Variants in SCN4A observed in about 807,000 individuals in gnomAD.
The protein encoded by SCN4A is sodium voltage-gated channel alpha subunit 4.
Under a neutral mutation model 162.0 loss-of-function variants are expected in SCN4A, and 83 were observed. That is an observed-to-expected ratio of 0.51 (90% CI 0.43 to 0.61). SCN4A has a LOEUF of 0.61. Ranked by LOEUF, SCN4A falls within the 20% of genes least tolerant of loss-of-function variation. The pLI, the probability that SCN4A is intolerant of heterozygous loss-of-function variation, is 0.00. For missense variants in SCN4A, 2,196 were observed against 2,462.5 expected (o/e 0.89, Z 2.29); for synonymous variants, 944 against 985.1 (o/e 0.96, Z 0.78).
At position 63,964,582 on chromosome 17, in the gene SCN4A, C is replaced by T. The variant is rs796737034; in HGVS notation, c.1338G>A (p.Val446=). The T allele has an allele frequency of 6.2e-7, 1 of 1,613,928 alleles. No individual in the cohort carries two copies. The highest frequency in any genetic ancestry group is 1.3e-5 in the African/African-American group (1 of 75,066). The part of the protein sequence containing the change: ...FYLINLILAV[V]AMAYAEQNEA... The stretch of plus-strand genomic sequence containing the variant: ...CATTCTGCTCGGCATATGCCATGGC[C>T]ACCACGGCCAGGATCAGATTGATGA... Residue 446 remains valine (V), a synonymous_variant, in exon 9 of 24, where the codon GTG becomes GTA. Transcript: ENST00000435607.
chr17:63,959,854 G>T (rs1404237426), intron 11 of SCN4A, among the ~76,000 whole-genome samples: 2 of 152,272 alleles, frequency 1.3e-5, no homozygotes, highest in African/African-American at 4.8e-5. Context: ...GGCTCAGCTA[G>T]CTGGGCAGCT....
chr17:63,957,391 A>G lies in SCN4A; in HGVS notation c.2147T>C (p.Val716Ala). 1 of 1,614,088 alleles carries G rather than the reference A, an allele frequency of 6.2e-7. No homozygotes were observed. The highest frequency in any genetic ancestry group is 8.5e-7 in the Non-Finnish European group (1 of 1,179,952). The change falls in exon 13 of 24, where the codon GTG becomes GCG. Residue 716 changes from valine to alanine, a missense_variant. Transcript: ENST00000435607. ...CTTGCCAAACAGCTGCATGCCCACC[A>G]CGGCGAAGATGAACACGATGATAGC... Reference protein sequence around the residue: ...VLAIIVFIFAVVGMQLFGKSY... With the variant: ...VLAIIVFIFAAVGMQLFGKSY...
chr17:63,968,412 C>T, intron 5 of SCN4A, 57 bp from the exon 6 acceptor site: 4 of 1,407,818 alleles, frequency 2.8e-6, no homozygotes, highest in East Asian at 2.3e-5. Flanking sequence ...GATAACAGAG[C>T]CCCCGCGGCC....
chr17:63,971,751 G>C lies in SCN4A; in HGVS notation c.582C>G (p.Asn194Lys). ...DDFTFLRDPW[N>K]WLDFSVIMMA... ...TCATGATGACACTGAAGTCCAGCCA[G>C]TTCCAGGGGTCCCGGAGGAATGTGA... is the stretch of plus-strand genomic sequence containing the variant. Residue 194 changes from asparagine to lysine, a missense_variant, in exon 4 of 24, where the codon AAC (asparagine) becomes AAG (lysine). Coordinates refer to ENST00000435607, the MANE Select transcript of SCN4A (RefSeq NM_000334.4). The C allele has an allele frequency of 6.2e-7, 1 of 1,608,586 alleles. No homozygotes were observed. The highest frequency in any genetic ancestry group is 8.5e-7 in the Non-Finnish European group (1 of 1,177,508).
In SCN4A at chr17:63,968,042, G is replaced by A. The variant is rs375655445; in HGVS notation, c.1017C>T (p.Asp339=). 5.1e-5 allele frequency: 83 copies of A among 1,613,790 alleles called. No homozygotes were observed. Among genetic ancestry groups the A allele is most frequent in the Admixed American group, 2.7e-4 (16 of 60,010 alleles). Reference sequence around the variant, plus strand: ...TCTTACCTTCATCACTGATGTAGGCGTCCCAATCAAAGGTATCGTTGGTGG... The same window carrying A: ...TCTTACCTTCATCACTGATGTAGGCATCCCAATCAAAGGTATCGTTGGTGG... ...SWATNDTFDW[D]AYISDEGNFY... The change falls in exon 6 of 24, where the codon GAC becomes GAT. Residue 339 remains aspartate, a synonymous_variant. Coordinates refer to ENST00000435607, the MANE Select transcript of SCN4A (RefSeq NM_000334.4).
Position 63,950,819 on chromosome 17 carries a change from G to T in SCN4A, c.2853+605C>A, listed in dbSNP as rs1362699848. 2.0e-5 allele frequency among the ~76,000 whole-genome samples: 3 copies of T among 152,224 alleles called. No homozygotes were observed. Among genetic ancestry groups the T allele is most frequent in the Non-Finnish European group, 4.4e-5 (3 of 68,036 alleles). ...CTCGACCTCGCAGTGGAGGGGTGGG[G>T]AGGGGCATCTGAGCCCAGCAGCACA... On this transcript the variant is annotated intron_variant, in intron 14 of 23. Coordinates refer to ENST00000435607, the MANE Select transcript of SCN4A (RefSeq NM_000334.4). The surrounding 1 kb of genome is among the most constrained non-coding windows in gnomAD (Gnocchi z 4.6).
rs756884948 is a variant in SCN4A at position 63,947,895 on chromosome 17, C to T, written c.3313G>A (p.Val1105Met). ...NAWCWLDFLI[V>M]DVSIISLVAN... is the part of the protein sequence containing the mutation. ...GCCAGCGTGGGGGGACTCACATCCA[C>T]GATGAGGAAGTCGAGCCAGCACCAG... is the stretch of plus-strand genomic sequence containing the variant. Residue 1105 changes from valine to methionine, a missense_variant, in exon 17 of 24, where the codon GTG becomes ATG. Transcript: ENST00000435607. 115 of 1,613,288 alleles carry T rather than the reference C, an allele frequency of 7.1e-5. No homozygotes were observed. The highest frequency in any genetic ancestry group is 8.6e-5 in the Non-Finnish European group (101 of 1,179,600).
chr17:63,966,725 G>A (rs1213012297), intron 6 of SCN4A, among the ~76,000 whole-genome samples, 181 bp from the exon 7 acceptor site: 1 of 152,220 alleles, frequency 6.6e-6, no homozygotes, highest in African/African-American at 2.4e-5. Context: ...TCTGGGTAGG[G>A]ACTCGGCAGG....
chr17:63,950,471 T>C lies in SCN4A; in HGVS notation c.2854-943A>G. Among the ~76,000 whole-genome samples the C allele has an allele frequency of 6.6e-6, 1 of 152,176 alleles. No individual in the cohort carries two copies. Among genetic ancestry groups the C allele is most frequent in the East Asian group, 1.9e-4 (1 of 5,182 alleles). ...GGCCCCGGGGAGCCTGGGACTTTGG[T>C]GCTCTCCAGCTCCCCCGCCACCTGA... On this transcript the variant is annotated intron_variant, in intron 14 of 23. Transcript: ENST00000435607. This position sits in a 1 kb window ranked among gnomAD's most constrained non-coding sequence, Gnocchi z 4.6.
chr17:63,943,097 C>G lies in SCN4A; in HGVS notation c.4018-1G>C. ...CATACACCATGCCCTGGATCTTGTT[C>G]TGCAGCATGGGTGGGAGTGGATGTG... On this transcript the variant is annotated splice_acceptor_variant, in intron 22 of 23. Coordinates refer to ENST00000435607, the MANE Select transcript of SCN4A (RefSeq NM_000334.4). LOFTEE classifies it high-confidence loss of function. The G allele has an allele frequency of 6.2e-7, 1 of 1,608,172 alleles. No homozygotes were observed. The highest frequency in any genetic ancestry group is 8.5e-7 in the Non-Finnish European group (1 of 1,175,260).
At chr17:63,948,202 C>T (rs1597971382) in intron 16 of SCN4A, 139 bp from the exon 17 acceptor site, 1 of 623,194 alleles carries the variant, frequency 1.6e-6, no homozygotes, top group East Asian at 3.0e-5. Context: ...GTCCGCATCT[C>T]CTGGACTCCC....
At position 63,943,694 on chromosome 17, in the gene SCN4A, C is replaced by T. The variant is rs1393851915; in HGVS notation, c.4017+52G>A. ...GAAACCTTTTACCCCCATCAGTCCC[C>T]TAGGCAGGAGCCTGGCAGCACACAC... On this transcript the variant is annotated intron_variant, in intron 22 of 23. Coordinates refer to ENST00000435607, the MANE Select transcript of SCN4A (RefSeq NM_000334.4). 27 of 1,209,974 alleles carry T rather than the reference C, an allele frequency of 2.2e-5. No individual in the cohort carries two copies. The Admixed American group carries it at 3.5e-4, about 16-fold the overall frequency. 75.0% of individuals were successfully genotyped at this position (1,209,974 alleles called of 1,614,324 possible). A position where few individuals can be genotyped will look rare whatever the true frequency, so the allele number is the denominator to read the frequency against.
rs1001670774 is a variant in SCN4A at position 63,940,593 on chromosome 17, T to C, written c.*178A>G. ...AGCGCAATTCCCATTTCCCATGGTC[T>C]GGGAACGCAGGCGCTCGGGCCTGGG... is the stretch of plus-strand genomic sequence containing the variant. On this transcript the variant is annotated 3_prime_UTR_variant, in exon 24 of 24. Transcript: ENST00000435607. 14 of 649,142 alleles carry C rather than the reference T, an allele frequency of 2.2e-5. No individual in the cohort carries two copies. The highest frequency in any genetic ancestry group is 3.2e-5 in the Non-Finnish European group (13 of 410,268). 40.2% of individuals were successfully genotyped at this position (649,142 alleles called of 1,614,324 possible).
intron 5 of SCN4A, 98 bp from the exon 6 acceptor site, chr17:63,968,453 T>A: frequency 1.0e-6 from 1 of 959,566 alleles, no homozygotes; most frequent in Non-Finnish European, 1.6e-6. Context: ...TACTCCATCT[T>A]CAAGGCTTGA....
At chr17:63,961,129 C>T (rs1038443080) in intron 11 of SCN4A, 64 bp downstream of exon 11, 3 of 1,079,028 alleles carry the variant, frequency 2.8e-6, no homozygotes, top group African/African-American at 3.1e-5. Flanking sequence ...AGCCAGACAG[C>T]TCCACTGGGC....
At chr17:63,957,030 C>T in intron 13 of SCN4A, 132 bp downstream of exon 13, 1 of 628,038 alleles carries the variant, frequency 1.6e-6, no homozygotes, top group Non-Finnish European at 2.8e-6. Context: ...AATTTGAGAA[C>T]TACGGGGTTA....
In SCN4A at chr17:63,942,987, T is replaced by C. The variant is rs112473871; in HGVS notation, c.4127A>G (p.Asn1376Ser). ...NMVTMMVETD[N>S]QSQLKVDILY... ...GATGTCCACCTTGAGCTGGCTCTGG[T>C]TGTCTGTCTCCACCATCATGGTGAC... The change falls in exon 23 of 24, where the codon AAC (asparagine) becomes AGC (serine). Residue 1376 changes from asparagine (N) to serine (S), a missense_variant. Physicochemically the swap from Asn to Ser is conservative, Grantham distance 46. Transcript: ENST00000435607. 1.2e-6 allele frequency: 2 copies of C among 1,614,006 alleles called. No individual in the cohort carries two copies. Among genetic ancestry groups the C allele is most frequent in the Non-Finnish European group, 1.7e-6 (2 of 1,179,864 alleles).
Position 63,972,399 on chromosome 17 carries a change from G to T in SCN4A, c.345C>A (p.Ser115Arg). ...CCCCGCGCCTGACTACGCTGAAGGG[G>T]CTCAGCAGGTAGAGAGCAGGTGTGG... ...FSATPALYLLSPFSVVRRGAI... is the reference protein window; with the variant it reads ...FSATPALYLLRPFSVVRRGAI... The change falls in exon 2 of 24, where the codon AGC (serine) becomes AGA (arginine). Residue 115 changes from serine (S) to arginine (R), a missense_variant. Transcript: ENST00000435607. The surrounding 1 kb of genome is among the most constrained non-coding windows in gnomAD (Gnocchi z 4.3). 2 of 1,613,990 alleles carry T rather than the reference G, an allele frequency of 1.2e-6. No individual in the cohort carries two copies.
At position 63,972,637 on chromosome 17, in the gene SCN4A, C is replaced by T. The variant is rs886053249; in HGVS notation, c.205G>A (p.Gly69Arg). The change falls in exon 1 of 24, where the codon GGA (glycine) becomes AGA (arginine). Residue 69 changes from glycine (G) to arginine (R), a missense_variant. Transcript: ENST00000435607. The surrounding 1 kb of genome is among the most constrained non-coding windows in gnomAD (Gnocchi z 4.3). Reference protein sequence around the residue: ...EAGKNLPMIYGDPPPEVIGIP... With the variant: ...EAGKNLPMIYRDPPPEVIGIP... ...CCGATGACCTCCGGCGGGGGGTCTC[C>T]GTAGATCATGGGTAGGTTCTTGCCA... 2.5e-5 allele frequency: 40 copies of T among 1,610,650 alleles called. No homozygotes were observed. The highest frequency in any genetic ancestry group is 8.9e-5 in the East Asian group (4 of 44,708).
Sources: allele counts gnomAD v4.1 joint callset (sites outside exome capture counted in the v4.1 genomes callset), GRCh38; gene constraint gnomAD v4.1.1; non-coding constraint Gnocchi (gnomAD v3.1); transcripts MANE v1.5; gene names NCBI Gene and HGNC (gene_info 2026-07-23, HGNC 2026-07-21).